SIPA1L3: variants seen among roughly 807,000 people sequenced by gnomAD.
SIPA1L3 encodes signal-induced proliferation-associated 1-like protein 3.
A neutral mutation model predicts 150.1 loss-of-function variants in SIPA1L3; 59 were observed. The ratio of observed to expected loss-of-function variants is 0.39; its 90% CI spans 0.32 to 0.49. The LOEUF (loss-of-function observed/expected upper bound fraction) is 0.49. Ranked by LOEUF, SIPA1L3 falls within the 20% of genes least tolerant of loss-of-function variation. The pLI is 0.86. For missense variants in SIPA1L3, 2,211 were observed against 2,489.5 expected (o/e 0.89, Z 2.38); for synonymous variants, 1,070 against 1,077.6 (o/e 0.99, Z 0.14).
intron 21 of SIPA1L3, among the ~76,000 whole-genome samples, chr19:38,205,235 G>A (rs1285212205): frequency 6.6e-6 from 1 of 151,932 alleles, no homozygotes; most frequent in African/African-American, 2.4e-5. Context: ...TTGGGAGGCC[G>A]AGGTGGGTGA....
intron 1 of SIPA1L3, among the ~76,000 whole-genome samples, chr19:37,979,572 A>T (rs1218738504): frequency 2.1e-5 from 3 of 145,102 alleles, no homozygotes; most frequent in Non-Finnish European, 3.0e-5. Flanking sequence ...AAAAAAAAAA[A>T]ATTTAGGTTT....
Position 38,081,925 on chromosome 19 carries a change from A to G in SIPA1L3, c.360A>G (p.Ile120Met). The G allele has an allele frequency of 1.2e-6, 2 of 1,614,146 alleles. No individual in the cohort carries two copies. Among genetic ancestry groups the G allele is most frequent in the Middle Eastern group, 1.6e-4 (1 of 6,062 alleles). ...ATKMAHSMRS[I>M]QNGQPPTSTP... Reference sequence around the variant, plus strand: ...AGATGGCCCATTCCATGAGGAGCATACAGAACGGACAGCCCCCCACCAGCA... The same window carrying G: ...AGATGGCCCATTCCATGAGGAGCATGCAGAACGGACAGCCCCCCACCAGCA... The change falls in exon 3 of 22, where the codon ATA becomes ATG. Residue 120 changes from isoleucine (I) to methionine (M), a missense_variant. Transcript: ENST00000222345.
intron 4 of SIPA1L3, among the ~76,000 whole-genome samples, chr19:38,093,583 G>A (rs1970311592): frequency 6.6e-6 from 1 of 152,212 alleles, no homozygotes; most frequent in South Asian, 2.1e-4. Flanking sequence ...ATGCTGGGAA[G>A]CATAGGTTGA....
At chr19:38,180,140 C>T (rs1313569447) in intron 15 of SIPA1L3, among the ~76,000 whole-genome samples, 2 of 152,032 alleles carry the variant, frequency 1.3e-5, no homozygotes, top group African/African-American at 4.8e-5. Context: ...TATTTTGTAT[C>T]AGGCAGGTGT....
At chr19:38,166,180 A>C (rs1600160306) in intron 15 of SIPA1L3, among the ~76,000 whole-genome samples, 1 of 152,054 alleles carries the variant, frequency 6.6e-6, no homozygotes, top group Non-Finnish European at 1.5e-5. Context: ...CATTGGCTGG[A>C]AACGGTGGCT....
chr19:38,058,857 T>G (rs1375495016), intron 2 of SIPA1L3, among the ~76,000 whole-genome samples: 1 of 152,016 alleles, frequency 6.6e-6, no homozygotes, highest in Non-Finnish European at 1.5e-5. Context: ...AAACCCTGTC[T>G]CTACTAAAAA....
At chr19:38,067,073 C>CA (rs902537201) in intron 2 of SIPA1L3, among the ~76,000 whole-genome samples, 153 of 150,034 alleles carry the variant, frequency 1.0e-3, no homozygotes, top group African/African-American at 3.4e-3. Flanking sequence ...CCAGTCTCTA[C>CA]AAAAAAAAAT....
In SIPA1L3 at chr19:38,083,048, G is replaced by A; in HGVS notation, c.1483G>A (p.Glu495Lys). 1.2e-6 allele frequency: 2 copies of A among 1,612,874 alleles called. No individual in the cohort carries two copies. Among genetic ancestry groups the A allele is most frequent in the Non-Finnish European group, 1.7e-6 (2 of 1,180,018 alleles). ...GAGTCGGCCCCGGCAGTACAGCATC[G>A]AGCATGTGGACCTGGGCGCCCGCTA... ...TQSRPRQYSI[E>K]HVDLGARYYQ... Residue 495 changes from glutamate to lysine, a missense_variant, in exon 3 of 22, where the codon GAG becomes AAG. By Grantham distance (56) the Glu-to-Lys change is moderately conservative. Around this residue, in one of 5 missense-constraint regions of SIPA1L3, gnomAD observed 625 missense variants for 804.2 expected, o/e 0.78. Transcript: ENST00000222345.
intron 13 of SIPA1L3, among the ~76,000 whole-genome samples, chr19:38,156,342 G>A (rs1184326152): frequency 1.3e-5 from 2 of 151,306 alleles, no homozygotes; most frequent in Non-Finnish European, 2.9e-5. Flanking sequence ...AGTACAAAAT[G>A]GGGAGGAAGT....
At chr19:37,955,667 T>C (rs747079916) in intron 1 of SIPA1L3, among the ~76,000 whole-genome samples, 3 of 152,238 alleles carry the variant, frequency 2.0e-5, no homozygotes, top group Non-Finnish European at 4.4e-5. Flanking sequence ...CTTAGCATAA[T>C]GTTTCTGCGC....
At chr19:38,174,995 G>C (rs925325083) in intron 15 of SIPA1L3, among the ~76,000 whole-genome samples, 1 of 152,150 alleles carries the variant, frequency 6.6e-6, no homozygotes, top group African/African-American at 2.4e-5. Flanking sequence ...ATCGTTAACA[G>C]TTGTTGTCAC....
intron 1 of SIPA1L3, among the ~76,000 whole-genome samples, chr19:37,988,590 C>T (rs911135856): frequency 5.9e-5 from 9 of 152,112 alleles, no homozygotes; most frequent in Non-Finnish European, 8.8e-5. Context: ...GCAGGAGAAT[C>T]GCTTGAACCC....
At chr19:38,204,268 G>C in intron 21 of SIPA1L3, 60 bp downstream of exon 21, 1 of 1,431,596 alleles carries the variant, frequency 7.0e-7, no homozygotes, top group South Asian at 1.2e-5. Context: ...AGGGCAGTCA[G>C]CAGGGATCAG....
chr19:38,203,974 C>T, intron 20 of SIPA1L3, 153 bp from the exon 21 acceptor site: 1 of 622,402 alleles, frequency 1.6e-6, no homozygotes, highest in Admixed American at 2.8e-5. Context: ...GGGTGGAGGG[C>T]TGGCTTCCTG....
At chr19:38,095,236 G>A (rs1415686083) in intron 4 of SIPA1L3, among the ~76,000 whole-genome samples, 1 of 152,172 alleles carries the variant, frequency 6.6e-6, no homozygotes, top group Admixed American at 6.5e-5. Flanking sequence ...ATTATGCACG[G>A]ATCTTTTTGA....
At position 38,031,709 on chromosome 19, in the gene SIPA1L3, TG is replaced by T. The variant is rs1347280003; in HGVS notation, c.-311+2555del. Among the ~76,000 whole-genome samples the T allele has an allele frequency of 5.3e-5, 8 of 152,314 alleles. 1 individual carries two copies. The highest frequency in any genetic ancestry group is 1.9e-4 in the African/African-American group (8 of 41,574). On this transcript the variant is annotated intron_variant, in intron 2 of 21. Coordinates refer to ENST00000222345, the MANE Select transcript of SIPA1L3 (RefSeq NM_015073.3). ...GTTACACTTTTCCCTTTGTAATTAA[TG>T]GCTATCTTGGGGCACTCCAGGCCAG...
intron 8 of SIPA1L3, among the ~76,000 whole-genome samples, chr19:38,114,783 T>G (rs1285592653): frequency 1.3e-5 from 2 of 152,238 alleles, no homozygotes; most frequent in African/African-American, 2.4e-5. Context: ...GTGGCACTCC[T>G]GGGGCATGAA....
At chr19:38,045,309 G>A (rs1036844164) in intron 2 of SIPA1L3, among the ~76,000 whole-genome samples, 5 of 152,098 alleles carry the variant, frequency 3.3e-5, no homozygotes, top group Non-Finnish European at 4.4e-5. Context: ...CCCGGGAGGC[G>A]GAAGGTTGCA....
At chr19:38,045,545 C>T (rs1465776838) in intron 2 of SIPA1L3, among the ~76,000 whole-genome samples, 2 of 152,052 alleles carry the variant, frequency 1.3e-5, no homozygotes, top group Non-Finnish European at 2.9e-5. Context: ...GCACTCCAGC[C>T]TGGGTGACAG....
Sources: allele counts gnomAD v4.1 joint callset (sites outside exome capture counted in the v4.1 genomes callset), GRCh38; gene constraint gnomAD v4.1.1; regional missense constraint gnomAD v4.1.1; transcripts MANE v1.5; gene names NCBI Gene and HGNC (gene_info 2026-07-23, HGNC 2026-07-21).